The following MEGF10 variants were observed in gnomAD, a reference collection of about 807,000 sequenced individuals.
The protein encoded by MEGF10 is multiple EGF like domains 10.
Under a neutral mutation model 147.5 loss-of-function variants are expected in MEGF10, and 86 were observed. The ratio of observed to expected loss-of-function variants is 0.58; its 90% CI spans 0.49 to 0.70. MEGF10 has a LOEUF of 0.70. Among genes scored for constraint, MEGF10 ranks in the 30% least tolerant of loss-of-function variants. The pLI is 0.00. For synonymous variants in MEGF10, 478 were observed against 525.5 expected (o/e 0.91, Z 1.24); for missense variants, 1,329 against 1,487.3 (o/e 0.89, Z 1.75).
chr5:127,403,874 A>G (rs1764224496), intron 8 of MEGF10, among the ~76,000 whole-genome samples: 3 of 152,134 alleles, frequency 2.0e-5, no homozygotes, highest in Admixed American at 6.5e-5. Context: ...TCCAAATCTT[A>G]GCTATTGTAA....
At chr5:127,325,887 G>GTATA (rs1189933388) in intron 1 of MEGF10, among the ~76,000 whole-genome samples, 13 of 49,462 alleles carry the variant, frequency 2.6e-4, no homozygotes, top group Non-Finnish European at 4.9e-4. Context: ...GTGTGTGTGT[G>GTATA]TATATATATA....
intron 1 of MEGF10, among the ~76,000 whole-genome samples, chr5:127,318,239 C>G (rs921849413): frequency 9.9e-5 from 15 of 152,262 alleles, no homozygotes; most frequent in African/African-American, 3.1e-4. Flanking sequence ...CTTCCAGCCT[C>G]CAGAACTGTG....
intron 14 of MEGF10, among the ~76,000 whole-genome samples, chr5:127,434,205 A>T (rs1453560778): frequency 6.6e-6 from 1 of 152,166 alleles, no homozygotes; most frequent in Non-Finnish European, 1.5e-5. Context: ...TCACTTTTCG[A>T]TTACAGTCAT....
At chr5:127,302,948 A>G (rs1351827128) in intron 1 of MEGF10, among the ~76,000 whole-genome samples, 2 of 152,116 alleles carry the variant, frequency 1.3e-5, no homozygotes, top group African/African-American at 2.4e-5. Flanking sequence ...AGAGTACCCC[A>G]ATGGCAGAAA....
At chr5:127,333,817 A>T (rs147569544) in intron 2 of MEGF10, among the ~76,000 whole-genome samples, 1,696 of 152,312 alleles carry the variant, frequency 0.011, 36 homozygotes, top group African/African-American at 0.039. Flanking sequence ...AGAAAGACAG[A>T]TAGACAAGGG....
chr5:127,377,930 T>C (rs996213479), intron 5 of MEGF10, among the ~76,000 whole-genome samples: 4 of 152,200 alleles, frequency 2.6e-5, no homozygotes, highest in East Asian at 1.9e-4. Flanking sequence ...AGGCTGATGA[T>C]GATAACTGGG....
chr5:127,391,102 G>A (rs6595766), intron 5 of MEGF10, among the ~76,000 whole-genome samples: 7,705 of 53,162 alleles, frequency 0.14, 551 homozygotes, highest in African/African-American at 0.27. Context: ...GCGCGCGCGC[G>A]CACACACACA....
At chr5:127,400,034 G>C (rs1008403234) in intron 7 of MEGF10, among the ~76,000 whole-genome samples, 2 of 152,220 alleles carry the variant, frequency 1.3e-5, no homozygotes, top group Non-Finnish European at 1.5e-5. Flanking sequence ...GCCAGACCTG[G>C]TAGTAGAATT....
chr5:127,327,134 A>G (rs959865192), intron 1 of MEGF10, among the ~76,000 whole-genome samples: 2 of 152,196 alleles, frequency 1.3e-5, no homozygotes, highest in Non-Finnish European at 2.9e-5. Flanking sequence ...ACAGACAGCA[A>G]GGGTTAACTC....
intron 5 of MEGF10, among the ~76,000 whole-genome samples, chr5:127,379,894 C>A (rs922931985): frequency 6.6e-6 from 1 of 152,130 alleles, no homozygotes; most frequent in Non-Finnish European, 1.5e-5. Flanking sequence ...TGAGGCACCA[C>A]GCCTGGCCAC....
intron 5 of MEGF10, among the ~76,000 whole-genome samples, chr5:127,377,766 G>A (rs951167238): frequency 8.5e-5 from 13 of 152,178 alleles, no homozygotes; most frequent in African/African-American, 3.1e-4. Context: ...AACAATGGTG[G>A]GATCGATGCT....
At chr5:127,308,931 T>A (rs1185379338) in intron 1 of MEGF10, among the ~76,000 whole-genome samples, 2 of 152,066 alleles carry the variant, frequency 1.3e-5, no homozygotes. Flanking sequence ...TAAGAGAAAG[T>A]TAAATTGCTC....
chr5:127,417,833 A>G (rs1764834810), intron 10 of MEGF10, 21 bp downstream of exon 10: 1 of 1,610,720 alleles, frequency 6.2e-7, no homozygotes, highest in Admixed American at 1.7e-5. Flanking sequence ...AGGGCTCTGG[A>G]GGAAGGAGAA....
chr5:127,406,399 T>A (rs1037364630), intron 8 of MEGF10, among the ~76,000 whole-genome samples: 2 of 152,226 alleles, frequency 1.3e-5, no homozygotes, highest in Non-Finnish European at 2.9e-5. Context: ...TCAGCTGTTA[T>A]CCCTGTCTGG....
chr5:127,451,037 G>C (rs1426799107), intron 22 of MEGF10, among the ~76,000 whole-genome samples: 2 of 152,182 alleles, frequency 1.3e-5, no homozygotes, highest in African/African-American at 4.8e-5. Flanking sequence ...GGGATTACAG[G>C]CATGAGCCAC....
chr5:127,455,506 CAG>C lies in MEGF10; in HGVS notation c.3134_3135del (p.Glu1045ValfsTer21). 1 of 1,614,082 alleles carries C rather than the reference CAG, an allele frequency of 6.2e-7. No homozygotes were observed. The highest frequency in any genetic ancestry group is 8.5e-7 in the Non-Finnish European group (1 of 1,180,012). On this transcript the variant is annotated frameshift_variant, in exon 24 of 25. Transcript: ENST00000503335. LOFTEE classifies it high-confidence loss of function. ...CCACCTGTACTTATCCCGAAAAGCT[CAG>C]AGTGTGGTTATGTGGAGATGAAATC...
At chr5:127,445,375 C>T (rs1442698716) in intron 19 of MEGF10, 82 bp from the exon 20 acceptor site, 1 of 1,008,928 alleles carries the variant, frequency 9.9e-7, no homozygotes, top group Non-Finnish European at 1.6e-6. Flanking sequence ...GGCATTAGCA[C>T]AGAAGGAGGT....
chr5:127,335,545 C>T (rs1336043879), intron 2 of MEGF10, among the ~76,000 whole-genome samples: 1 of 152,052 alleles, frequency 6.6e-6, no homozygotes. Flanking sequence ...AAAATGGACC[C>T]CTTGAAGAAT....
Position 127,457,393 on chromosome 5 carries a change from G to T in MEGF10, c.*75G>T, listed in dbSNP as rs1211216548. 6.7e-7 allele frequency: 1 copy of T among 1,481,794 alleles called. No homozygotes were observed. Among genetic ancestry groups the T allele is most frequent in the African/African-American group, 1.4e-5 (1 of 71,986 alleles). 91.8% of individuals were successfully genotyped at this position (1,481,794 alleles called of 1,614,324 possible). ...TTGGTTCTTCTCCATCCTCAATTTT[G>T]CCACTTTCATGTGAATGTTAGTCAA... is the stretch of plus-strand genomic sequence containing the variant. On this transcript the variant is annotated 3_prime_UTR_variant, in exon 25 of 25. Coordinates refer to ENST00000503335, the MANE Select transcript of MEGF10 (RefSeq NM_001256545.2).
Sources: gnomAD v4.1 joint callset for allele counts (sites outside exome capture counted in the v4.1 genomes callset) on GRCh38, gnomAD v4.1.1 for gene constraint, MANE v1.5 for transcripts, NCBI Gene and HGNC (gene_info 2026-07-23, HGNC 2026-07-21) for gene names.